SFXN5: variants seen among roughly 807,000 people sequenced by gnomAD.
SFXN5 encodes sideroflexin 5, also known as sideroflexin-5.
SFXN5 carries 43 observed loss-of-function variants against 50.2 expected under a neutral mutation model. The observed-to-expected ratio is 0.86, with a 90% CI of 0.67 to 1.11. The LOEUF is 1.11. Ranked by LOEUF, SFXN5 falls within the 50% of genes least tolerant of loss-of-function variation. The pLI is 0.00. For missense variants in SFXN5, 463 were observed against 454.1 expected (o/e 1.02, Z -0.18); for synonymous variants, 203 against 185.8 (o/e 1.09, Z -0.75).
intron 2 of SFXN5, among the ~76,000 whole-genome samples, chr2:73,043,947 C>T (rs1223123339): frequency 1.3e-5 from 2 of 152,028 alleles, no homozygotes; most frequent in Non-Finnish European, 1.5e-5. Flanking sequence ...TTAGTCAGAC[C>T]CTCACTCTGC....
At chr2:73,038,777 T>A (rs529150757) in intron 3 of SFXN5, among the ~76,000 whole-genome samples, 42 of 152,358 alleles carry the variant, frequency 2.8e-4, no homozygotes, top group African/African-American at 1.0e-3. Flanking sequence ...ATATCCTTAT[T>A]CTGTAAGTTT....
chr2:72,968,380 G>T, intron 12 of SFXN5, 68 bp downstream of exon 12: 2 of 1,472,154 alleles, frequency 1.4e-6, no homozygotes, highest in Non-Finnish European at 1.9e-6. Flanking sequence ...GCCTGGGCCA[G>T]CCGGTTCCCC....
intron 9 of SFXN5, among the ~76,000 whole-genome samples, chr2:72,990,379 C>T (rs1164144566): frequency 1.3e-5 from 2 of 152,078 alleles, no homozygotes; most frequent in Non-Finnish European, 2.9e-5. Flanking sequence ...GGCCCTGCTG[C>T]CCCCGCCACA....
At chr2:72,968,136 C>T (rs1674668826) in intron 12 of SFXN5, among the ~76,000 whole-genome samples, 1 of 149,068 alleles carries the variant, frequency 6.7e-6, no homozygotes, top group Non-Finnish European at 1.5e-5. Context: ...CACACACACA[C>T]ACACACACAC....
intron 9 of SFXN5, chr2:72,997,735 GC>G (rs1673419961): frequency 6.6e-6 from 1 of 152,120 alleles, no homozygotes; most frequent in Admixed American, 6.5e-5. Flanking sequence ...GATTACAGGT[GC>G]CCACCACCAT....
At chr2:72,968,656 G>A (rs904656877) in intron 11 of SFXN5, 123 bp from the exon 12 acceptor site, 5 of 739,080 alleles carry the variant, frequency 6.8e-6, no homozygotes, top group Non-Finnish European at 1.1e-5. Flanking sequence ...TTATTCATGG[G>A]ATTGCTCAGG....
intron 13 of SFXN5, among the ~76,000 whole-genome samples, chr2:72,949,823 G>C (rs1041714191): frequency 6.6e-6 from 1 of 152,120 alleles, no homozygotes; most frequent in African/African-American, 2.4e-5. Context: ...GTGGGGGTGA[G>C]AGGGAGGTGT....
chr2:72,959,430 A>C (rs1259233289), intron 13 of SFXN5, among the ~76,000 whole-genome samples: 1 of 151,526 alleles, frequency 6.6e-6, no homozygotes, highest in Non-Finnish European at 1.5e-5. Flanking sequence ...CTCCCAGACC[A>C]CGTGCTGCTC....
chr2:72,952,960 C>T (rs1465607531), intron 13 of SFXN5, among the ~76,000 whole-genome samples: 1 of 152,202 alleles, frequency 6.6e-6, no homozygotes, highest in Non-Finnish European at 1.5e-5. Context: ...ACCAAGCCTT[C>T]TCCCTCCCTA....
At chr2:72,968,387 C>G in intron 12 of SFXN5, 61 bp downstream of exon 12, 44 of 1,421,326 alleles carry the variant, frequency 3.1e-5, no homozygotes, top group Non-Finnish European at 3.4e-5. Context: ...CCAGCCGGTT[C>G]CCCCTCCCTC....
intron 10 of SFXN5, among the ~76,000 whole-genome samples, chr2:72,978,006 A>G (rs1406226624): frequency 2.9e-5 from 2 of 67,856 alleles, no homozygotes; most frequent in Non-Finnish European, 5.1e-5. Context: ...AGAATAAGGA[A>G]AAAAAAAAAA....
chr2:73,032,148 G>A (rs1027970811), intron 3 of SFXN5, among the ~76,000 whole-genome samples: 4 of 149,602 alleles, frequency 2.7e-5, no homozygotes, highest in Non-Finnish European at 4.4e-5. Context: ...CTGCAAACAG[G>A]TGATGGGGGA....
intron 6 of SFXN5, among the ~76,000 whole-genome samples, chr2:73,007,447 C>A (rs1357300513): frequency 6.6e-6 from 1 of 151,988 alleles, no homozygotes; most frequent in Non-Finnish European, 1.5e-5. Context: ...TCAGTTTAGG[C>A]GTCACTTCCT....
At chr2:73,046,912 T>C (rs1680414860) in intron 2 of SFXN5, among the ~76,000 whole-genome samples, 2 of 151,466 alleles carry the variant, frequency 1.3e-5, no homozygotes, top group Non-Finnish European at 2.9e-5. Context: ...ACATCTCACT[T>C]GCTGCTATTG....
chr2:73,041,470 TCATGAGGTCAG>T, intron 2 of SFXN5: 1 of 195,154 alleles, frequency 5.1e-6, no homozygotes, highest in South Asian at 7.7e-5. Context: ...GGCGGGAAGA[TCATGAGGTCAG>T]GAGTTCGAGA....
intron 2 of SFXN5, chr2:73,049,144 AG>A: frequency 1.3e-5 from 2 of 152,474 alleles, no homozygotes; most frequent in South Asian, 4.1e-4. Context: ...TATTTCTCAC[AG>A]TTCTGGAAGC....
At chr2:73,005,678 T>C (rs1483602362) in intron 6 of SFXN5, among the ~76,000 whole-genome samples, 1 of 152,124 alleles carries the variant, frequency 6.6e-6, no homozygotes, top group Non-Finnish European at 1.5e-5. Flanking sequence ...CCACTGAACA[T>C]CGTCTCATCT....
chr2:72,981,818 C>T (rs1027069004), intron 10 of SFXN5, among the ~76,000 whole-genome samples: 6 of 152,276 alleles, frequency 3.9e-5, no homozygotes, highest in South Asian at 2.1e-4. Context: ...TAATTATCCC[C>T]GCCCTTTTCT....
intron 3 of SFXN5, among the ~76,000 whole-genome samples, chr2:73,029,862 A>T (rs1378062658): frequency 6.6e-6 from 1 of 152,194 alleles, no homozygotes; most frequent in African/African-American, 2.4e-5. Flanking sequence ...GCTTGAGCTC[A>T]GGAGTTTGAG....
Sources: gnomAD v4.1 joint callset for allele counts (sites outside exome capture counted in the v4.1 genomes callset) on GRCh38, gnomAD v4.1.1 for gene constraint, MANE v1.5 for transcripts, NCBI Gene and HGNC (gene_info 2026-07-23, HGNC 2026-07-21) for gene names.